Variants in VWA3B observed in about 807,000 individuals in gnomAD.
The protein encoded by VWA3B is von Willebrand factor A domain containing 3B.
In VWA3B, 138 loss-of-function variants were observed where a neutral mutation model predicts 158.3. That is an observed-to-expected ratio of 0.87 (90% confidence interval 0.76 to 1.00). VWA3B has a LOEUF of 1.00. Ranked by LOEUF, VWA3B falls within the 50% of genes least tolerant of loss-of-function variation. The pLI is 0.00. For missense variants in VWA3B, 1,555 were observed against 1,565.1 expected (o/e 0.99, Z 0.11); for synonymous variants, 596 against 587.3 (o/e 1.01, Z -0.21).
At chr2:98,318,880 G>T in the VWA3B span, among the ~76,000 whole-genome samples, 1 of 152,080 alleles carries the variant, frequency 6.6e-6, no homozygotes, top group Non-Finnish European at 1.5e-5. Context: ...TAAGAGATTG[G>T]TTCCAGCAAC....
At chr2:98,205,801 T>G (rs2105503760) in intron 12 of VWA3B, among the ~76,000 whole-genome samples, 1 of 152,352 alleles carries the variant, frequency 6.6e-6, no homozygotes, top group Non-Finnish European at 1.5e-5. Context: ...TCAAAGCATG[T>G]TTTAAAATTT....
rs201556583 is a variant in VWA3B at position 98,130,483 on chromosome 2, A to G, written c.872+2075A>G. Among the ~76,000 whole-genome samples, 150 of 152,306 alleles carry G rather than the reference A, an allele frequency of 9.8e-4. 5 individuals carry two copies. In the East Asian group the frequency reaches 0.024, roughly 25 times the overall value. The stretch of plus-strand genomic sequence containing the variant: ...ACGAGGCCATATTTCAGACTGTCAC[A>G]TGGGGAGAAACCGTGGACAATACCT... On this transcript the variant is annotated intron_variant, in intron 6 of 27. Coordinates refer to ENST00000477737, the MANE Select transcript of VWA3B (RefSeq NM_144992.5).
At chr2:98,192,839 A>G in intron 10 of VWA3B, 59 bp from the exon 11 acceptor site, 1 of 1,611,980 alleles carries the variant, frequency 6.2e-7, no homozygotes, top group Admixed American at 1.7e-5. Flanking sequence ...AGTTCTTGGG[A>G]AGATGCTCTT....
intron 5 of VWA3B, among the ~76,000 whole-genome samples, chr2:98,123,294 C>A (rs1481573245): frequency 6.6e-6 from 1 of 152,234 alleles, no homozygotes; most frequent in Non-Finnish European, 1.5e-5. Flanking sequence ...TAGCATCTCC[C>A]TCCATGAGCG....
chr2:98,097,659 T>C (rs1259681367), intron 2 of VWA3B, among the ~76,000 whole-genome samples: 1 of 152,212 alleles, frequency 6.6e-6, no homozygotes, highest in East Asian at 1.9e-4. Flanking sequence ...GATCTACATG[T>C]AGTTCTTTAA....
chr2:98,089,607 C>T (rs1054522281), intron 1 of VWA3B, among the ~76,000 whole-genome samples: 5 of 150,948 alleles, frequency 3.3e-5, no homozygotes, highest in African/African-American at 1.2e-4. Context: ...GGAACAATTC[C>T]TTCTGTTGGG....
chr2:98,153,421 T>G (rs1195819340), intron 7 of VWA3B, among the ~76,000 whole-genome samples: 1 of 152,230 alleles, frequency 6.6e-6, no homozygotes, highest in East Asian at 1.9e-4. Flanking sequence ...TCAGAAACTG[T>G]GCTTTTTGTG....
chr2:98,297,085 A>ATT (rs751540124), intron 23 of VWA3B, among the ~76,000 whole-genome samples: 1 of 143,078 alleles, frequency 7.0e-6, no homozygotes, highest in African/African-American at 2.6e-5. Flanking sequence ...CTCTTTTTTC[A>ATT]TTTTTTTTTT....
chr2:98,206,574 G>A, intron 12 of VWA3B: 1 of 485,282 alleles, frequency 2.1e-6, no homozygotes. Flanking sequence ...ACTTTGAGCA[G>A]AATCATGAAC....
intron 9 of VWA3B, 91 bp downstream of exon 9, chr2:98,181,303 G>C (rs1459181273): frequency 6.4e-6 from 9 of 1,401,266 alleles, no homozygotes; most frequent in Non-Finnish European, 7.8e-6. Context: ...CAGGGGAAGG[G>C]GCAGCAGGGA....
At chr2:98,129,209 GA>G in intron 6 of VWA3B, among the ~76,000 whole-genome samples, 3 of 126,972 alleles carry the variant, frequency 2.4e-5, no homozygotes, top group African/African-American at 8.7e-5. Flanking sequence ...AGAGAGAGGA[GA>G]GAGAGAGAGA....
chr2:98,319,984 C>G, the VWA3B span, among the ~76,000 whole-genome samples: 1 of 152,214 alleles, frequency 6.6e-6, no homozygotes, highest in Middle Eastern at 3.4e-3. Context: ...CATGCAAATA[C>G]TTTTACAGGT....
rs1041143676 is a variant in VWA3B at position 98,180,938 on chromosome 2, A to G, written c.1115-78A>G. The G allele has an allele frequency of 1.8e-5, 25 of 1,394,670 alleles. No individual in the cohort carries two copies. In the African/African-American group the frequency reaches 2.9e-4, roughly 16 times the overall value. 86.4% of individuals were successfully genotyped at this position (1,394,670 alleles called of 1,614,324 possible). On this transcript the variant is annotated intron_variant, in intron 8 of 27. Coordinates refer to ENST00000477737, the MANE Select transcript of VWA3B (RefSeq NM_144992.5). ...TGTGTCTAATAAAGAACACGTTCCAAGTTGGTCAATATTAAGTTGGGGGTG... is the reference window on the plus strand; with the variant it reads ...TGTGTCTAATAAAGAACACGTTCCAGGTTGGTCAATATTAAGTTGGGGGTG...
chr2:98,256,166 A>G lies in VWA3B; in HGVS notation c.2835A>G (p.Glu945=). ...TTTGGCGAGCATTATCTCAAGAGGA[A>G]AAAGAAAAGTAAGCCATTCCATTCC... ...KIVWRALSQE[E]KEKLDANKPI... Residue 945 remains glutamate, a synonymous_variant, in exon 21 of 28, where the codon GAA becomes GAG. Coordinates refer to ENST00000477737, the MANE Select transcript of VWA3B (RefSeq NM_144992.5). 6.2e-7 allele frequency: 1 copy of G among 1,611,722 alleles called. No homozygotes were observed. The highest frequency in any genetic ancestry group is 8.5e-7 in the Non-Finnish European group (1 of 1,179,552).
intron 20 of VWA3B, among the ~76,000 whole-genome samples, chr2:98,255,022 G>C (rs1196749670): frequency 6.8e-6 from 1 of 146,662 alleles, no homozygotes; most frequent in East Asian, 2.0e-4. Flanking sequence ...TTTGTTTTTT[G>C]TTTTTTTTTG....
intron 22 of VWA3B, among the ~76,000 whole-genome samples, chr2:98,284,689 T>A (rs1015076742): frequency 1.3e-5 from 2 of 152,200 alleles, no homozygotes; most frequent in African/African-American, 4.8e-5. Context: ...TTGGACTTTG[T>A]GTCATGGAGA....
At chr2:98,193,152 A>T in intron 11 of VWA3B, 116 bp downstream of exon 11, 1 of 1,316,644 alleles carries the variant, frequency 7.6e-7, no homozygotes, top group Non-Finnish European at 1.0e-6. Context: ...TCAGAGAAGT[A>T]CTCCCTTTTG....
chr2:98,179,701 TTC>T (rs897316579), intron 8 of VWA3B, among the ~76,000 whole-genome samples: 1 of 150,756 alleles, frequency 6.6e-6, no homozygotes, highest in African/African-American at 2.5e-5. Flanking sequence ...TCCTTTCTTT[TTC>T]TTTCTTTCTT....
rs1233524265 is a variant in VWA3B at position 98,194,509 on chromosome 2, G to A, written c.1737+17G>A. The A allele has an allele frequency of 6.2e-7, 1 of 1,612,284 alleles. No homozygotes were observed. Among genetic ancestry groups the A allele is most frequent in the South Asian group, 1.1e-5 (1 of 90,976 alleles). On this transcript the variant is annotated intron_variant, in intron 12 of 27. Transcript: ENST00000477737. Reference sequence around the variant, plus strand: ...GACATAAAGGTAAGTTGGAGACTAAGCTGGGAGAAGCATCCTAGGAGTCTC... The same window carrying A: ...GACATAAAGGTAAGTTGGAGACTAAACTGGGAGAAGCATCCTAGGAGTCTC...
Sources: allele counts gnomAD v4.1 joint callset (sites outside exome capture counted in the v4.1 genomes callset), GRCh38; gene constraint gnomAD v4.1.1; transcripts MANE v1.5; gene names NCBI Gene and HGNC (gene_info 2026-07-23, HGNC 2026-07-21).